The following BANP variants were observed in gnomAD, a reference collection of about 807,000 sequenced individuals.
BANP encodes the protein BTG3 associated nuclear protein, also known as protein BANP.
In BANP, 11 loss-of-function variants were observed where a neutral mutation model predicts 68.1. The ratio of observed to expected loss-of-function variants is 0.16; its 90% CI spans 0.10 to 0.27. BANP has a LOEUF of 0.27. BANP is among the 10% of genes least tolerant of loss of function. The pLI is 1.00. For synonymous variants in BANP, 329 were observed against 303.2 expected, an observed-to-expected ratio of 1.09 and a Z score of -0.88; for missense variants, 504 against 722.7, an observed-to-expected ratio of 0.70 and a Z score of 3.47.
At chr16:87,975,210 G>T in intron 2 of BANP, 25 bp downstream of exon 2, 1 of 1,611,248 alleles carries the variant, frequency 6.2e-7, no homozygotes, top group Non-Finnish European at 8.5e-7. Flanking sequence ...GACAGTAGGT[G>T]AAATATTATT....
At chr16:88,047,445 C>CT (rs1409957712) in intron 11 of BANP, among the ~76,000 whole-genome samples, 1 of 152,216 alleles carries the variant, frequency 6.6e-6, no homozygotes, top group Non-Finnish European at 1.5e-5. Context: ...GTTTGGCCCC[C>CT]TGCTTGGGTG....
rs936304359 is a variant in BANP, at chr16:88,071,705, C to G, written c.1378-364C>G. The G allele has an allele frequency of 1.4e-5, 7 of 506,012 alleles. No homozygotes were observed. Among genetic ancestry groups the G allele is most frequent in the African/African-American group, 1.3e-4 (7 of 52,040 alleles). 31.3% of individuals were successfully genotyped at this position (506,012 alleles called of 1,614,324 possible). The stretch of plus-strand genomic sequence containing the variant: ...CAGTGGCACTCTGGGAGCGCTTGTG[C>G]TCTTCATGGTTGCCACTGGGATTTT... On this transcript the variant is annotated intron_variant, in intron 12 of 13. Transcript: ENST00000682872. The surrounding 1 kb of genome is among the most constrained non-coding windows in gnomAD (Gnocchi z 6.5).
chr16:87,974,144 A>G (rs1321612985), intron 1 of BANP, among the ~76,000 whole-genome samples: 2 of 152,262 alleles, frequency 1.3e-5, no homozygotes, highest in African/African-American at 2.4e-5. Context: ...TAATTAAAAT[A>G]TAAAGTATAA....
At chr16:87,983,150 G>A (rs974477254) in intron 3 of BANP, among the ~76,000 whole-genome samples, 5 of 152,166 alleles carry the variant, frequency 3.3e-5, no homozygotes, top group Non-Finnish European at 5.9e-5. Flanking sequence ...GAGAAAAGAC[G>A]AAACACGAAT....
rs1177730222 is a variant in BANP, at chr16:88,009,967, C to G, written c.655+3702C>G. ...CATTGGAATAAGAAGGACTGTAGCTCCTGACTGTTGAAAGCAGGGAACAGT... is the reference window on the plus strand; with the variant it reads ...CATTGGAATAAGAAGGACTGTAGCTGCTGACTGTTGAAAGCAGGGAACAGT... On this transcript the variant is annotated intron_variant, in intron 6 of 13. Transcript: ENST00000682872. Among the ~76,000 whole-genome samples, 3 of 151,902 alleles carry G rather than the reference C, an allele frequency of 2.0e-5. No homozygotes were observed. The East Asian group carries it at 5.8e-4, about 29-fold the overall frequency.
Position 88,035,408 on chromosome 16 carries a change from C to A in BANP, c.1272+14C>A. ...CAGGACAGCGAGGTGAGTCAGCTCT[C>A]GCTGCAGCACTGTCCCTGCAGGCAC... On this transcript the variant is annotated intron_variant, in intron 10 of 13. Transcript: ENST00000682872. 1 of 1,598,338 alleles carries A rather than the reference C, an allele frequency of 6.3e-7. No individual in the cohort carries two copies. The highest frequency in any genetic ancestry group is 8.5e-7 in the Non-Finnish European group (1 of 1,172,476).
chr16:88,065,212 A>C, intron 11 of BANP, 55 bp from the exon 12 acceptor site: 1 of 681,738 alleles, frequency 1.5e-6, no homozygotes, highest in Non-Finnish European at 2.7e-6. Context: ...AAAGCAAGGC[A>C]GGGTTGGTCC....
intron 6 of BANP, among the ~76,000 whole-genome samples, chr16:88,014,007 C>T (rs1330593106): frequency 7.9e-5 from 12 of 152,182 alleles, no homozygotes; most frequent in Admixed American, 7.9e-4. Context: ...AAACACAGGC[C>T]AGCACAAACT....
intron 6 of BANP, among the ~76,000 whole-genome samples, chr16:88,008,410 C>A (rs1225178313): frequency 6.6e-6 from 1 of 152,154 alleles, no homozygotes; most frequent in East Asian, 1.9e-4. Flanking sequence ...AATCACATTG[C>A]AGTAACGACA....
At chr16:87,954,377 A>G (rs2057620000) in intron 1 of BANP, among the ~76,000 whole-genome samples, 1 of 152,096 alleles carries the variant, frequency 6.6e-6, no homozygotes, top group African/African-American at 2.4e-5. Flanking sequence ...TCTTGTTTCC[A>G]CTAATGTCAC....
At chr16:87,966,759 G>A (rs377323203) in intron 1 of BANP, 3 of 152,258 alleles carry the variant, frequency 2.0e-5, no homozygotes, top group African/African-American at 7.2e-5. Context: ...CTGGACCCGG[G>A]GCTGTTTGTG....
intron 13 of BANP, among the ~76,000 whole-genome samples, chr16:88,072,882 C>A (rs565877264): frequency 1.3e-5 from 2 of 152,326 alleles, no homozygotes; most frequent in South Asian, 4.2e-4. Flanking sequence ...ACGTGCCCAG[C>A]GGGGACGTTG....
chr16:87,990,053 A>AC (rs1409248614), intron 4 of BANP, among the ~76,000 whole-genome samples: 1 of 152,260 alleles, frequency 6.6e-6, no homozygotes, highest in Admixed American at 6.5e-5. Flanking sequence ...GGCAGCTCAG[A>AC]CAGCAGCTCA....
Position 88,018,829 on chromosome 16 carries a change from T to C in BANP, c.895+162T>C, listed in dbSNP as rs1485947445. On this transcript the variant is annotated intron_variant, in intron 7 of 13. Transcript: ENST00000682872. This position sits in a 1 kb window ranked among gnomAD's most constrained non-coding sequence, Gnocchi z 7.7. ...GAGGATCAGTGCTCGAGGGGATGGA[T>C]GAGCTGTTGACCCTGATGTGCTTAT... Among the ~76,000 whole-genome samples the C allele has an allele frequency of 2.0e-5, 3 of 152,196 alleles. No homozygotes were observed. In the South Asian group the frequency reaches 6.2e-4, roughly 31 times the overall value.
chr16:87,964,310 A>G (rs1212273441), intron 1 of BANP, among the ~76,000 whole-genome samples: 2 of 152,268 alleles, frequency 1.3e-5, no homozygotes, highest in African/African-American at 2.4e-5. Context: ...CAGCCATGCC[A>G]ATTCCTGCCC....
intron 1 of BANP, among the ~76,000 whole-genome samples, chr16:87,959,107 T>C (rs74998751): frequency 6.6e-6 from 1 of 152,304 alleles, no homozygotes; most frequent in African/African-American, 2.4e-5. Flanking sequence ...CAGGACGGGA[T>C]GGCACGCTTT....
Position 88,016,337 on chromosome 16 carries a change from ATTTAGATC to A in BANP, c.656-2087_656-2080del, listed in dbSNP as rs1567759075. On this transcript the variant is annotated intron_variant, in intron 6 of 13. Transcript: ENST00000682872. ...TCTTGGGTTTCCCCTGCAGATTCCC[ATTTAGATC>A]TTTGGTCCCATGGAGTCCATGACCA... Among the ~76,000 whole-genome samples, 7 of 152,268 alleles carry A rather than the reference ATTTAGATC, an allele frequency of 4.6e-5. No homozygotes were observed. The South Asian group carries it at 1.2e-3, about 27-fold the overall frequency.
intron 1 of BANP, among the ~76,000 whole-genome samples, chr16:87,959,406 G>T (rs2058691901): frequency 6.6e-6 from 1 of 152,244 alleles, no homozygotes; most frequent in Admixed American, 6.5e-5. Flanking sequence ...GAGTGTGTTT[G>T]CCCTGGGAAG....
In BANP at chr16:88,001,835, G is replaced by A. The variant is rs111719000; in HGVS notation, c.363-2460G>A. On this transcript the variant is annotated intron_variant, in intron 4 of 13. Coordinates refer to ENST00000682872, the MANE Select transcript of BANP (RefSeq NM_001386991.1). Reference sequence around the variant, plus strand: ...ATTTTATCCTGTTAGCCTGGCTGTCGTATGCATTTGCAACAGAAATAGGGA... The same window carrying A: ...ATTTTATCCTGTTAGCCTGGCTGTCATATGCATTTGCAACAGAAATAGGGA... 6.8e-3 allele frequency among the ~76,000 whole-genome samples: 1,035 copies of A among 151,238 alleles called. 13 individuals carry two copies. Among genetic ancestry groups the A allele is most frequent in the African/African-American group, 0.024 (997 of 41,170 alleles).
Sources: allele counts gnomAD v4.1 joint callset (sites outside exome capture counted in the v4.1 genomes callset), GRCh38; gene constraint gnomAD v4.1.1; non-coding constraint Gnocchi (gnomAD v3.1); transcripts MANE v1.5; gene names NCBI Gene and HGNC (gene_info 2026-07-23, HGNC 2026-07-21).